SBF2: variants seen among roughly 807,000 people sequenced by gnomAD.
SBF2 encodes myotubularin-related protein 13.
Under a neutral mutation model 225.2 loss-of-function variants are expected in SBF2, and 112 were observed. The observed-to-expected ratio is 0.50, with a 90% CI of 0.43 to 0.58. SBF2 has a LOEUF of 0.58. Ranked by LOEUF, SBF2 falls within the 20% of genes least tolerant of loss-of-function variation. SBF2 has a pLI of 0.00. For missense variants in SBF2, 1,996 were observed against 2,206.2 expected, an observed-to-expected ratio of 0.90 and a Z score of 1.91; for synonymous variants, 763 against 773.3, an observed-to-expected ratio of 0.99 and a Z score of 0.22.
intron 2 of SBF2, among the ~76,000 whole-genome samples, chr11:10,179,387 C>CAA (rs60430976): frequency 0.089 from 10,806 of 121,748 alleles, 556 homozygotes; most frequent in East Asian, 0.28. Context: ...AACAAAAAAA[C>CAA]AAAAAAAAAC....
At chr11:9,828,467 G>A in intron 28 of SBF2, 1 of 985,402 alleles carries the variant, frequency 1.0e-6, no homozygotes, top group Non-Finnish European at 1.2e-6. Flanking sequence ...AATGGAGCAA[G>A]GCATGCATGG....
At chr11:10,021,295 G>A (rs553964330) in intron 6 of SBF2, among the ~76,000 whole-genome samples, 1 of 152,230 alleles carries the variant, frequency 6.6e-6, no homozygotes, top group South Asian at 2.1e-4. Flanking sequence ...AAGTTTAAAC[G>A]GGTATGGATT....
chr11:10,032,737 G>C (rs376605813), intron 3 of SBF2, among the ~76,000 whole-genome samples: 1 of 152,046 alleles, frequency 6.6e-6, no homozygotes, highest in East Asian at 1.9e-4. Context: ...TCCCATAAAG[G>C]CCAGGATTTC....
chr11:9,832,360 A>T lies in SBF2; in HGVS notation c.3516T>A (p.Ala1172=), dbSNP rs746674881. 9 of 1,614,022 alleles carry T rather than the reference A, an allele frequency of 5.6e-6. No homozygotes were observed. Among genetic ancestry groups the T allele is most frequent in the Non-Finnish European group, 8.5e-7 (1 of 1,180,032 alleles). Residue 1172 remains alanine (A), a synonymous_variant, in exon 27 of 40, where the codon GCT becomes GCA. Coordinates refer to ENST00000256190, the MANE Select transcript of SBF2 (RefSeq NM_030962.4). ...GCAGGCGATTGTGTCGATAGCAGCGAGCTACTCTTGGTAAACTACTGTCCT... is the reference window on the plus strand; with the variant it reads ...GCAGGCGATTGTGTCGATAGCAGCGTGCTACTCTTGGTAAACTACTGTCCT... The part of the protein sequence containing the change: ...AVQDSSLPRV[A]RCYRHNRLPV...
chr11:9,924,154 T>C (rs1453185950), intron 16 of SBF2, among the ~76,000 whole-genome samples: 2 of 152,224 alleles, frequency 1.3e-5, no homozygotes, highest in South Asian at 4.1e-4. Context: ...CTTATGATGG[T>C]TTGACTTACA....
chr11:9,844,552 G>C (rs1012613257), intron 24 of SBF2, among the ~76,000 whole-genome samples: 9 of 152,024 alleles, frequency 5.9e-5, no homozygotes, highest in African/African-American at 9.6e-5. Context: ...AGAAAATAAG[G>C]GTTCATACTA....
chr11:10,051,334 A>G (rs916661891), intron 2 of SBF2, among the ~76,000 whole-genome samples: 2 of 152,138 alleles, frequency 1.3e-5, no homozygotes, highest in African/African-American at 4.8e-5. Context: ...AGATAGTAAG[A>G]CCACCTTAGT....
At chr11:10,106,279 C>A (rs1407578122) in intron 2 of SBF2, among the ~76,000 whole-genome samples, 1 of 152,046 alleles carries the variant, frequency 6.6e-6, no homozygotes, top group Non-Finnish European at 1.5e-5. Flanking sequence ...AAAGAAAAGA[C>A]AGGGAAAAAC....
intron 1 of SBF2, among the ~76,000 whole-genome samples, chr11:10,289,485 C>G (rs1248784744): frequency 1.3e-5 from 2 of 152,138 alleles, no homozygotes; most frequent in African/African-American, 4.8e-5. Context: ...CTCGCTGGGC[C>G]CAGGCCAGTA....
chr11:10,233,992 C>A (rs1958962783), intron 1 of SBF2, among the ~76,000 whole-genome samples: 1 of 152,162 alleles, frequency 6.6e-6, no homozygotes, highest in African/African-American at 2.4e-5. Flanking sequence ...TCTTGCACTC[C>A]TAACTCCACC....
chr11:10,188,452 A>G (rs965975373), intron 2 of SBF2, among the ~76,000 whole-genome samples: 8 of 152,226 alleles, frequency 5.3e-5, no homozygotes, highest in African/African-American at 1.9e-4. Context: ...GTCTTAAAGC[A>G]TCAGGTAGAG....
chr11:9,959,076 AGGAATG>A (rs1866386364), intron 16 of SBF2: 1 of 1,509,616 alleles, frequency 6.6e-7, no homozygotes, highest in African/African-American at 1.4e-5. Context: ...TCCAGTTCCC[AGGAATG>A]GGCTTAGGAT....
rs368966548 is a variant in SBF2, at chr11:9,899,418, C to T, written c.1861-3407G>A. Among the ~76,000 whole-genome samples, 14 of 148,998 alleles carry T rather than the reference C, an allele frequency of 9.4e-5. No homozygotes were observed. In the East Asian group the frequency reaches 1.2e-3, roughly 13 times the overall value. On this transcript the variant is annotated intron_variant, in intron 16 of 39. Transcript: ENST00000256190. ...ACTTGGGAGGCTGAGATGGGAGGATCGCTTGAGCTTGGGAGTTTGAGGCTG... is the reference window on the plus strand; with the variant it reads ...ACTTGGGAGGCTGAGATGGGAGGATTGCTTGAGCTTGGGAGTTTGAGGCTG...
chr11:10,170,843 A>C (rs1049104601), intron 2 of SBF2, among the ~76,000 whole-genome samples: 21 of 151,576 alleles, frequency 1.4e-4, no homozygotes, highest in African/African-American at 5.1e-4. Flanking sequence ...GTGATTTATA[A>C]TTTTCATTGT....
intron 16 of SBF2, among the ~76,000 whole-genome samples, chr11:9,897,648 G>C (rs4910074): frequency 1.3e-5 from 2 of 151,946 alleles, no homozygotes; most frequent in African/African-American, 4.8e-5. Flanking sequence ...GTGAAGAATA[G>C]TGATTAAAGC....
chr11:9,983,686 C>T (rs773261281), intron 13 of SBF2, among the ~76,000 whole-genome samples: 1 of 152,098 alleles, frequency 6.6e-6, no homozygotes, highest in African/African-American at 2.4e-5. Context: ...CTGCACCCTC[C>T]GCCACCTCCA....
At chr11:10,006,485 G>A (rs531166641) in intron 6 of SBF2, among the ~76,000 whole-genome samples, 1 of 152,134 alleles carries the variant, frequency 6.6e-6, no homozygotes, top group South Asian at 2.1e-4. Context: ...CCCACATAGG[G>A]CCTCATTCTA....
At chr11:10,227,784 G>A (rs558434720) in intron 1 of SBF2, among the ~76,000 whole-genome samples, 3 of 152,200 alleles carry the variant, frequency 2.0e-5, no homozygotes, top group Admixed American at 1.3e-4. Flanking sequence ...TTTTGGCTTA[G>A]GATTGACTTG....
chr11:10,133,228 C>T (rs1047777093), intron 2 of SBF2, among the ~76,000 whole-genome samples: 3 of 149,512 alleles, frequency 2.0e-5, no homozygotes, highest in African/African-American at 7.4e-5. Context: ...GACTCAGGAG[C>T]CCAGCTGGCT....
Sources: gnomAD v4.1 joint callset for allele counts (sites outside exome capture counted in the v4.1 genomes callset) on GRCh38, gnomAD v4.1.1 for gene constraint, MANE v1.5 for transcripts, NCBI Gene and HGNC (gene_info 2026-07-23, HGNC 2026-07-21) for gene names.